The following RAF1 variants were observed in gnomAD, a reference collection of about 807,000 sequenced individuals.
The protein encoded by RAF1 is Raf-1 proto-oncogene, serine/threonine kinase.
Under a neutral mutation model 81.1 loss-of-function variants are expected in RAF1, and 27 were observed. The ratio of observed to expected loss-of-function variants is 0.33; its 90% CI spans 0.25 to 0.46. The LOEUF is 0.46. Ranked by LOEUF, RAF1 falls within the 20% of genes least tolerant of loss-of-function variation. RAF1 has a pLI of 1.00. For missense variants in RAF1, 598 were observed against 826.0 expected (o/e 0.72, Z 3.38); for synonymous variants, 298 against 294.0 (o/e 1.01, Z -0.14).
intron 1 of RAF1, among the ~76,000 whole-genome samples, chr3:12,621,007 G>T (rs974334933): frequency 6.6e-6 from 1 of 152,070 alleles, no homozygotes; most frequent in East Asian, 1.9e-4. Flanking sequence ...TCCTCCTTTA[G>T]AAAACTTTGA....
At chr3:12,602,346 A>G (rs554557126) in intron 8 of RAF1, among the ~76,000 whole-genome samples, 1 of 152,234 alleles carries the variant, frequency 6.6e-6, no homozygotes, top group Non-Finnish European at 1.5e-5. Context: ...AAAGTAAAAA[A>G]TGATTAGGCA....
chr3:12,608,869 G>C lies in RAF1; in HGVS notation c.478C>G (p.Leu160Val), dbSNP rs1443592793. ...CAAGTCTGACATCGAAATCCATTGAGCAGGAATTTCTGACAGATGTCACAG... is the reference window on the plus strand; with the variant it reads ...CAAGTCTGACATCGAAATCCATTGACCAGGAATTTCTGACAGATGTCACAG... Residue 160 changes from leucine (L) to valine (V), a missense_variant, in exon 5 of 18, where the codon CTC becomes GTC. This residue lies in a region of RAF1 where 89 missense variants were observed against 169.2 expected (regional missense o/e 0.53). Coordinates refer to ENST00000442415, the MANE Select transcript of RAF1 (RefSeq NM_001354689.3). 1 of 1,614,112 alleles carries C rather than the reference G, an allele frequency of 6.2e-7. No homozygotes were observed. The highest frequency in any genetic ancestry group is 8.5e-7 in the Non-Finnish European group (1 of 1,180,014).
At chr3:12,633,949 AAAC>A (rs1294419221) in intron 1 of RAF1, among the ~76,000 whole-genome samples, 16 of 151,724 alleles carry the variant, frequency 1.1e-4, no homozygotes, top group African/African-American at 3.6e-4. Context: ...AAAAAAAAAA[AAAC>A]AAAAAAAATC....
intron 12 of RAF1, 77 bp from the exon 12 acceptor site, chr3:12,591,051 TG>T: frequency 7.2e-7 from 1 of 1,389,236 alleles, no homozygotes; most frequent in South Asian, 1.3e-5. Flanking sequence ...CCGTGGACAG[TG>T]GGTTCTGTGC....
chr3:12,657,222 T>G (rs1360692120), intron 1 of RAF1, among the ~76,000 whole-genome samples: 1 of 152,098 alleles, frequency 6.6e-6, no homozygotes, highest in Non-Finnish European at 1.5e-5. Context: ...ATATACTTAG[T>G]CTGGTAGCCA....
At chr3:12,611,889 C>A in intron 3 of RAF1, 61 bp downstream of exon 3, 1 of 1,129,758 alleles carries the variant, frequency 8.9e-7, no homozygotes, top group East Asian at 2.3e-5. Flanking sequence ...ACAAACATAG[C>A]TATTTGAAGC....
intron 1 of RAF1, among the ~76,000 whole-genome samples, chr3:12,631,456 G>A (rs1030268653): frequency 4.6e-5 from 7 of 151,744 alleles, no homozygotes; most frequent in Admixed American, 6.6e-5. Context: ...AAAATTAGCC[G>A]GGCGTGGTGG....
At chr3:12,658,079 T>G (rs1559496403) in intron 1 of RAF1, among the ~76,000 whole-genome samples, 1 of 152,190 alleles carries the variant, frequency 6.6e-6, no homozygotes, top group East Asian at 1.9e-4. Flanking sequence ...ACATCCTTTC[T>G]TTTTATTACT....
chr3:12,604,341 G>C (rs2125399286), intron 6 of RAF1, 52 bp from the exon 7 acceptor site: 1 of 1,578,722 alleles, frequency 6.3e-7, no homozygotes, highest in Non-Finnish European at 8.6e-7. Flanking sequence ...TCATACTGGT[G>C]AAGTCTTTCA....
intron 1 of RAF1, among the ~76,000 whole-genome samples, chr3:12,659,360 G>C (rs748924256): frequency 2.2e-5 from 3 of 133,592 alleles, no homozygotes; most frequent in African/African-American, 8.5e-5. Flanking sequence ...CCTGGGAGAC[G>C]GAGGTTGTAG....
chr3:12,641,833 T>C (rs2060196754), intron 1 of RAF1, among the ~76,000 whole-genome samples: 1 of 152,100 alleles, frequency 6.6e-6, no homozygotes, highest in African/African-American at 2.4e-5. Context: ...ATGCTAGTTG[T>C]AGTTTAGATT....
At chr3:12,633,210 A>C (rs1195247340) in intron 1 of RAF1, among the ~76,000 whole-genome samples, 1 of 152,118 alleles carries the variant, frequency 6.6e-6, no homozygotes, top group African/African-American at 2.4e-5. Flanking sequence ...AGAGAAAAAA[A>C]CCCACAATGG....
At chr3:12,617,858 G>C (rs2059422194) in intron 2 of RAF1, among the ~76,000 whole-genome samples, 1 of 130,012 alleles carries the variant, frequency 7.7e-6, no homozygotes, top group Non-Finnish European at 1.5e-5. Flanking sequence ...CAGCCTGGGT[G>C]ACAGAGTGAG....
At chr3:12,639,944 C>A (rs1195354667) in intron 1 of RAF1, among the ~76,000 whole-genome samples, 2 of 152,146 alleles carry the variant, frequency 1.3e-5, no homozygotes, top group Non-Finnish European at 2.9e-5. Flanking sequence ...AAGCTGGAGG[C>A]ATCATGCTAC....
At position 12,590,984 on chromosome 3, in the gene RAF1, GGAGGGGAAGA is replaced by G. The variant is rs2058497171; in HGVS notation, c.1254-20_1254-11del. 6.2e-7 allele frequency: 1 copy of G among 1,603,494 alleles called. No homozygotes were observed. Among genetic ancestry groups the G allele is most frequent in the African/African-American group, 1.3e-5 (1 of 74,794 alleles). ...CACATGCCGTGTTTTGCTGGGGAGGGGAGGGGAAGAGAGGAGAGGGAGGAGGAAAGTGCTC... is the reference window on the plus strand; with the variant it reads ...CACATGCCGTGTTTTGCTGGGGAGGGGAGGAGAGGGAGGAGGAAAGTGCTC... On this transcript the variant is annotated splice_polypyrimidine_tract_variant and intron_variant, in intron 12 of 17. Transcript: ENST00000442415.
At chr3:12,601,344 G>A (rs2125385518) in intron 8 of RAF1, among the ~76,000 whole-genome samples, 1 of 152,290 alleles carries the variant, frequency 6.6e-6, no homozygotes, top group Non-Finnish European at 1.5e-5. Flanking sequence ...ACTGCCTTAT[G>A]GGTAAATTTG....
intron 1 of RAF1, among the ~76,000 whole-genome samples, chr3:12,637,311 C>T (rs1418021884): frequency 1.3e-5 from 2 of 151,164 alleles, no homozygotes; most frequent in African/African-American, 4.9e-5. Context: ...TGTATATATG[C>T]ATATGTACAT....
intron 1 of RAF1, among the ~76,000 whole-genome samples, chr3:12,639,789 C>T (rs1186384939): frequency 2.0e-5 from 3 of 152,176 alleles, no homozygotes; most frequent in Non-Finnish European, 2.9e-5. Flanking sequence ...AATGGCCATA[C>T]TGCCCAAGGT....
At chr3:12,619,099 G>A (rs901523114) in intron 1 of RAF1, among the ~76,000 whole-genome samples, 1 of 151,810 alleles carries the variant, frequency 6.6e-6, no homozygotes, top group Non-Finnish European at 1.5e-5. Context: ...CAAAAAATTA[G>A]CCGGGCGTGG....
Sources: allele counts gnomAD v4.1 joint callset (sites outside exome capture counted in the v4.1 genomes callset), GRCh38; gene constraint gnomAD v4.1.1; regional missense constraint gnomAD v4.1.1; transcripts MANE v1.5; gene names NCBI Gene and HGNC (gene_info 2026-07-23, HGNC 2026-07-21).